ENOX1: variants seen among roughly 807,000 people sequenced by gnomAD.
ENOX1 encodes candidate growth-related and time keeping constitutive hydroquinone (NADH) oxidase.
In ENOX1, 42 loss-of-function variants were observed where a neutral mutation model predicts 82.5. The observed-to-expected ratio is 0.51, with a 90% CI of 0.40 to 0.66. The LOEUF (loss-of-function observed/expected upper bound fraction) is 0.66. Ranked by LOEUF, ENOX1 falls within the 30% of genes least tolerant of loss-of-function variation. The probability of loss-of-function intolerance (pLI) is 0.00; values close to 1 mark genes in which losing one functional copy is unlikely to be tolerated. For missense variants in ENOX1, 608 were observed against 811.6 expected (o/e 0.75, Z 3.05); for synonymous variants, 271 against 282.2 (o/e 0.96, Z 0.40).
chr13:43,472,309 C>T (rs1043625129), intron 3 of ENOX1, among the ~76,000 whole-genome samples: 1 of 152,162 alleles, frequency 6.6e-6, no homozygotes, highest in Non-Finnish European at 1.5e-5. Flanking sequence ...AATGTTTGCA[C>T]ACTTTGTTAA....
intron 9 of ENOX1, among the ~76,000 whole-genome samples, chr13:43,341,221 C>T (rs531535745): frequency 2.0e-4 from 30 of 151,578 alleles, no homozygotes; most frequent in East Asian, 1.9e-3. Context: ...CATTTGAACC[C>T]GGAGGCAGAG....
At chr13:43,286,491 C>T (rs980470233) in intron 12 of ENOX1, among the ~76,000 whole-genome samples, 2 of 152,146 alleles carry the variant, frequency 1.3e-5, no homozygotes, top group Non-Finnish European at 2.9e-5. Context: ...CAGGATTTCC[C>T]ATTGCAGACA....
chr13:43,684,179 C>T, intron 1 of ENOX1, among the ~76,000 whole-genome samples: 1 of 151,706 alleles, frequency 6.6e-6, no homozygotes, highest in East Asian at 1.9e-4. Flanking sequence ...CTCCTATGTC[C>T]TTGTCTATCT....
At position 43,641,529 on chromosome 13, in the gene ENOX1, A is replaced by ATTTTTTTTTT. The variant is rs769737189; in HGVS notation, c.-219+25940_-219+25949dup. Reference sequence around the variant, plus strand: ...AGTAACAGAGTAACATTAATTTTTAATTTTTTTTTTTTTTTTTTTTTTTTG... The same window carrying ATTTTTTTTTT: ...AGTAACAGAGTAACATTAATTTTTAATTTTTTTTTTTTTTTTTTTTTTTTTTTTTTTTTTG... On this transcript the variant is annotated intron_variant, in intron 2 of 16. Transcript: ENST00000690772. Among the ~76,000 whole-genome samples the ATTTTTTTTTT allele has an allele frequency of 1.3e-3, 108 of 83,116 alleles. 2 individuals carry two copies. Among genetic ancestry groups the ATTTTTTTTTT allele is most frequent in the Admixed American group, 1.6e-3 (8 of 5,096 alleles). 54.5% of individuals were successfully genotyped at this position (83,116 alleles called of 152,430 possible).
At chr13:43,498,807 C>A (rs150030874) in intron 2 of ENOX1, among the ~76,000 whole-genome samples, 6 of 152,104 alleles carry the variant, frequency 3.9e-5, no homozygotes, top group Middle Eastern at 6.8e-3. Context: ...ACTATGGTGG[C>A]TTTTAACATG....
At chr13:43,631,768 C>T (rs182553238) in intron 2 of ENOX1, among the ~76,000 whole-genome samples, 3 of 152,226 alleles carry the variant, frequency 2.0e-5, no homozygotes, top group Admixed American at 1.3e-4. Context: ...ACCACATTAT[C>T]TGATCGTGAT....
intron 14 of ENOX1, among the ~76,000 whole-genome samples, chr13:43,243,207 T>G (rs2042925002): frequency 6.6e-6 from 1 of 152,138 alleles, no homozygotes; most frequent in Non-Finnish European, 1.5e-5. Flanking sequence ...TTCTATAATT[T>G]TATGACTAAA....
chr13:43,751,525 T>A (rs1594683298), intron 1 of ENOX1, among the ~76,000 whole-genome samples: 1 of 148,120 alleles, frequency 6.8e-6, no homozygotes, highest in Non-Finnish European at 1.5e-5. Flanking sequence ...TTTTGTCAAC[T>A]CTCTCTGTCA....
chr13:43,367,471 C>T (rs1333554492), intron 5 of ENOX1, among the ~76,000 whole-genome samples: 1 of 152,058 alleles, frequency 6.6e-6, no homozygotes, highest in Non-Finnish European at 1.5e-5. Context: ...GACACAGACA[C>T]ACAGGGAGAA....
At chr13:43,380,359 T>C (rs927648421) in intron 5 of ENOX1, among the ~76,000 whole-genome samples, 10 of 148,222 alleles carry the variant, frequency 6.7e-5, no homozygotes, top group African/African-American at 2.4e-4. Flanking sequence ...ATGATATATA[T>C]AGAAGTAAAA....
chr13:43,783,993 G>A (rs1018821776), intron 1 of ENOX1, among the ~76,000 whole-genome samples: 6 of 152,096 alleles, frequency 3.9e-5, no homozygotes, highest in Non-Finnish European at 8.8e-5. Flanking sequence ...TTCACAGTAG[G>A]TGGTTGCCAG....
At chr13:43,606,002 G>T (rs960713908) in intron 2 of ENOX1, among the ~76,000 whole-genome samples, 3 of 152,116 alleles carry the variant, frequency 2.0e-5, no homozygotes, top group African/African-American at 7.2e-5. Context: ...CAAAAGATCT[G>T]AATAGACACT....
intron 2 of ENOX1, among the ~76,000 whole-genome samples, chr13:43,641,367 AG>A (rs1198421397): frequency 1.3e-5 from 2 of 151,982 alleles, no homozygotes; most frequent in Admixed American, 1.3e-4. Context: ...ACATTTGTTA[AG>A]AACCTAATCT....
intron 2 of ENOX1, among the ~76,000 whole-genome samples, chr13:43,562,065 C>T (rs2079701658): frequency 6.6e-6 from 1 of 151,976 alleles, no homozygotes; most frequent in Non-Finnish European, 1.5e-5. Flanking sequence ...TGGGGAGCAA[C>T]ATGGCCAAAT....
At chr13:43,344,509 A>G (rs1185635554) in intron 9 of ENOX1, 29 bp downstream of exon 9, 2 of 1,573,276 alleles carry the variant, frequency 1.3e-6, no homozygotes, top group Admixed American at 3.5e-5. Flanking sequence ...AATCACAACA[A>G]AAGAGATGGC....
Position 43,635,393 on chromosome 13 carries a change from C to T in ENOX1, c.-219+32086G>A, listed in dbSNP as rs542592644. Among the ~76,000 whole-genome samples the T allele has an allele frequency of 5.3e-5, 8 of 152,150 alleles. No homozygotes were observed. The South Asian group carries it at 6.2e-4, about 12-fold the overall frequency. Reference sequence around the variant, plus strand: ...ATGAGCATTTCTTTCAACAAATGTCCGTTACAAAAAGCAAAGCCACAATTG... The same window carrying T: ...ATGAGCATTTCTTTCAACAAATGTCTGTTACAAAAAGCAAAGCCACAATTG... On this transcript the variant is annotated intron_variant, in intron 2 of 16. Transcript: ENST00000690772.
At chr13:43,473,498 T>C (rs1350245413) in intron 3 of ENOX1, among the ~76,000 whole-genome samples, 1 of 152,192 alleles carries the variant, frequency 6.6e-6, no homozygotes, top group Non-Finnish European at 1.5e-5. Flanking sequence ...TGAAAATGTT[T>C]GCCTATAGTA....
intron 2 of ENOX1, among the ~76,000 whole-genome samples, chr13:43,622,766 G>A (rs9533556): frequency 0.15 from 22,491 of 151,932 alleles, 2,077 homozygotes; most frequent in East Asian, 0.39. Context: ...TCCAGAGAGC[G>A]TCAGCTGTGG....
chr13:43,616,865 T>C (rs902776146), intron 2 of ENOX1, among the ~76,000 whole-genome samples: 1 of 152,146 alleles, frequency 6.6e-6, no homozygotes, highest in South Asian at 2.1e-4. Context: ...ATTATTTTCC[T>C]CAGGTTTGAA....
Sources: allele counts gnomAD v4.1 joint callset (sites outside exome capture counted in the v4.1 genomes callset), GRCh38; gene constraint gnomAD v4.1.1; transcripts MANE v1.5; gene names NCBI Gene and HGNC (gene_info 2026-07-23, HGNC 2026-07-21).